PLD1: variants seen among roughly 807,000 people sequenced by gnomAD.
PLD1 encodes the protein choline phosphatase 1.
PLD1 carries 112 observed loss-of-function variants against 137.1 expected under a neutral mutation model. The ratio of observed to expected loss-of-function variants is 0.82; its 90% CI spans 0.70 to 0.96. The LOEUF (loss-of-function observed/expected upper bound fraction) is 0.96. Ranked by LOEUF, PLD1 falls within the 40% of genes least tolerant of loss-of-function variation. The probability of loss-of-function intolerance (pLI) is 0.00; values close to 1 mark genes in which losing one functional copy is unlikely to be tolerated. For synonymous variants in PLD1, 431 were observed against 454.7 expected (o/e 0.95, Z 0.66); for missense variants, 1,321 against 1,342.0 (o/e 0.98, Z 0.24).
rs1336217969 is a variant in PLD1 at position 171,602,012 on chromosome 3, A to T, written c.*1066T>A. 3.3e-5 allele frequency: 5 copies of T among 152,238 alleles called. No individual in the cohort carries two copies. The highest frequency in any genetic ancestry group is 1.2e-4 in the African/African-American group (5 of 41,466). 9.4% of individuals were successfully genotyped at this position (152,238 alleles called of 1,614,324 possible). A position where few individuals can be genotyped will look rare whatever the true frequency, so the allele number is the denominator to read the frequency against. On this transcript the variant is annotated 3_prime_UTR_variant, in exon 27 of 27. Coordinates refer to ENST00000351298, the MANE Select transcript of PLD1 (RefSeq NM_002662.5). ...CAATTAATTTTTCTCAAAGAAGATA[A>T]TGTAGCAGAAGACCTGAATGTCAAA...
At chr3:171,711,609 G>C (rs1216308750) in intron 9 of PLD1, among the ~76,000 whole-genome samples, 1 of 152,002 alleles carries the variant, frequency 6.6e-6, no homozygotes, top group Non-Finnish European at 1.5e-5. Context: ...GCAAATGTGA[G>C]GACTTACTTG....
intron 1 of PLD1, among the ~76,000 whole-genome samples, chr3:171,769,923 T>A (rs1722224965): frequency 6.6e-6 from 1 of 152,238 alleles, no homozygotes; most frequent in South Asian, 2.1e-4. Context: ...TACCCTGAAC[T>A]AAAGCATCCT....
intron 19 of PLD1, among the ~76,000 whole-genome samples, chr3:171,663,623 A>T (rs1430890803): frequency 1.3e-5 from 2 of 152,234 alleles, no homozygotes; most frequent in Admixed American, 6.5e-5. Flanking sequence ...ATGAGAGAAC[A>T]TGGAAAGAAG....
intron 1 of PLD1, among the ~76,000 whole-genome samples, chr3:171,758,698 G>A (rs1578424612): frequency 6.6e-6 from 1 of 152,216 alleles, no homozygotes; most frequent in African/African-American, 2.4e-5. Context: ...TGTCCAAGAA[G>A]GAAAATATGA....
At chr3:171,697,064 G>A (rs887426159) in intron 12 of PLD1, among the ~76,000 whole-genome samples, 2 of 152,106 alleles carry the variant, frequency 1.3e-5, no homozygotes, top group Admixed American at 6.5e-5. Flanking sequence ...GCAAACAAGA[G>A]GTGGAAGCCA....
At chr3:171,711,363 G>T (rs961270872) in intron 9 of PLD1, among the ~76,000 whole-genome samples, 2 of 151,284 alleles carry the variant, frequency 1.3e-5, no homozygotes, top group Admixed American at 6.6e-5. Context: ...TAGCGACAGG[G>T]TTTCACAATA....
At chr3:171,786,360 C>T (rs1723011625) in intron 1 of PLD1, among the ~76,000 whole-genome samples, 1 of 152,082 alleles carries the variant, frequency 6.6e-6, no homozygotes, top group Non-Finnish European at 1.5e-5. Context: ...AGAAAAGATC[C>T]AGTAAGATTG....
intron 22 of PLD1, among the ~76,000 whole-genome samples, chr3:171,643,618 C>T (rs56041094): frequency 0.25 from 38,550 of 151,482 alleles, 5,254 homozygotes; most frequent in Admixed American, 0.31. Flanking sequence ...TCAGCTGGTT[C>T]GAAGGCAAGA....
At chr3:171,616,372 G>T (rs1667578525) in intron 24 of PLD1, among the ~76,000 whole-genome samples, 1 of 152,170 alleles carries the variant, frequency 6.6e-6, no homozygotes, top group Admixed American at 6.5e-5. Context: ...GTGAATCCTT[G>T]TGTGGTATGC....
At chr3:171,687,670 A>G in intron 14 of PLD1, 86 bp from the exon 15 acceptor site, 1 of 832,912 alleles carries the variant, frequency 1.2e-6, no homozygotes, top group Non-Finnish European at 1.9e-6. Flanking sequence ...TGAAGTATAA[A>G]GTTTACAAAT....
chr3:171,688,940 T>A, intron 13 of PLD1, 64 bp from the exon 14 acceptor site: 1 of 1,213,584 alleles, frequency 8.2e-7, no homozygotes, highest in Non-Finnish European at 1.2e-6. Flanking sequence ...CATAATGAAA[T>A]AGGTCTGTGT....
rs539275512 is a variant in PLD1 at position 171,693,617 on chromosome 3, G to A, written c.1228-1175C>T. ...TGTATAGTTTGCACCATTTTAATTTGCATTGTTTGCACCCAGCAGCTCTGA... is the reference window on the plus strand; with the variant it reads ...TGTATAGTTTGCACCATTTTAATTTACATTGTTTGCACCCAGCAGCTCTGA... On this transcript the variant is annotated intron_variant, in intron 12 of 26. Coordinates refer to ENST00000351298, the MANE Select transcript of PLD1 (RefSeq NM_002662.5). Among the ~76,000 whole-genome samples the A allele has an allele frequency of 3.2e-4, 48 of 151,890 alleles. No individual in the cohort carries two copies. The South Asian group carries it at 9.8e-3, about 31-fold the overall frequency.
intron 7 of PLD1, 40 bp downstream of exon 7, chr3:171,725,978 A>G: frequency 7.1e-7 from 1 of 1,401,228 alleles, no homozygotes; most frequent in Non-Finnish European, 1.0e-6. Context: ...AATGCAAATC[A>G]ATTTTTCATA....
At chr3:171,652,505 A>C (rs957594559) in intron 21 of PLD1, among the ~76,000 whole-genome samples, 3 of 152,118 alleles carry the variant, frequency 2.0e-5, no homozygotes, top group African/African-American at 7.2e-5. Flanking sequence ...TTTGGTACAA[A>C]ATTATAGGAT....
intron 6 of PLD1, among the ~76,000 whole-genome samples, chr3:171,727,337 A>G (rs1049213061): frequency 2.0e-5 from 3 of 152,218 alleles, no homozygotes; most frequent in Non-Finnish European, 4.4e-5. Flanking sequence ...CCAAGCTGGA[A>G]GAGCAAAATG....
rs536787045 is a variant in PLD1 at position 171,746,386 on chromosome 3, T to C, written c.-31-8304A>G. 9.2e-5 allele frequency among the ~76,000 whole-genome samples: 14 copies of C among 152,328 alleles called. No homozygotes were observed. In the South Asian group the frequency reaches 2.9e-3, roughly 32 times the overall value. On this transcript the variant is annotated intron_variant, in intron 1 of 26. Transcript: ENST00000351298. ...AGAACATTTATGTCTAGCTGGAGGA[T>C]CCTATATGCACCAATCAGCACTCTG...
rs1266263936 is a variant in PLD1, at chr3:171,602,334, T to A, written c.*744A>T. On this transcript the variant is annotated 3_prime_UTR_variant, in exon 27 of 27. Transcript: ENST00000351298. Reference sequence around the variant, plus strand: ...TTTACATTTGATCAGGTGGGCCTAATCACAAGGACTCATGTTGTCAGTGCC... The same window carrying A: ...TTTACATTTGATCAGGTGGGCCTAAACACAAGGACTCATGTTGTCAGTGCC... 2.6e-5 allele frequency: 4 copies of A among 152,278 alleles called. No individual in the cohort carries two copies. The highest frequency in any genetic ancestry group is 5.9e-5 in the Non-Finnish European group (4 of 68,078). 9.4% of individuals were successfully genotyped at this position (152,278 alleles called of 1,614,324 possible).
intron 26 of PLD1, among the ~76,000 whole-genome samples, 174 bp from the exon 27 acceptor site, chr3:171,603,476 T>A (rs1333829796): frequency 6.6e-6 from 1 of 152,184 alleles, no homozygotes; most frequent in Non-Finnish European, 1.5e-5. Context: ...CAACAATAGA[T>A]AGATCTGCTA....
chr3:171,628,763 C>G (rs1325701768), intron 23 of PLD1, among the ~76,000 whole-genome samples: 1 of 151,996 alleles, frequency 6.6e-6, no homozygotes, highest in African/African-American at 2.4e-5. Context: ...ACAAAAACCA[C>G]GTGATTATCT....
Sources: gnomAD v4.1 joint callset for allele counts (sites outside exome capture counted in the v4.1 genomes callset) on GRCh38, gnomAD v4.1.1 for gene constraint, MANE v1.5 for transcripts, NCBI Gene and HGNC (gene_info 2026-07-23, HGNC 2026-07-21) for gene names.